Variants in SVEP1 observed in about 807,000 individuals in gnomAD.
SVEP1 encodes sushi, von Willebrand factor type A, EGF and pentraxin domain containing 1, also known as sushi, von Willebrand factor type A, EGF and pentraxin domain-containing protein 1.
In SVEP1, 164 loss-of-function variants were observed where a neutral mutation model predicts 367.3. The observed-to-expected ratio is 0.45, with a 90% CI of 0.39 to 0.51. The LOEUF is 0.51. Ranked by LOEUF, SVEP1 falls within the 20% of genes least tolerant of loss-of-function variation. The pLI, the probability that SVEP1 is intolerant of heterozygous loss-of-function variation, is 0.00. For synonymous variants in SVEP1, 1,666 were observed against 1,611.6 expected (o/e 1.03, Z -0.81); for missense variants, 4,117 against 4,425.3 (o/e 0.93, Z 1.98).
intron 3 of SVEP1, among the ~76,000 whole-genome samples, chr9:110,521,300 T>A (rs1588091099): frequency 1.3e-5 from 2 of 152,188 alleles, no homozygotes; most frequent in East Asian, 3.9e-4. Flanking sequence ...CAGCCTGTCG[T>A]TCTCCCTGTG....
chr9:110,477,530 C>T (rs1829113207), intron 13 of SVEP1, among the ~76,000 whole-genome samples: 1 of 152,104 alleles, frequency 6.6e-6, no homozygotes, highest in African/African-American at 2.4e-5. Context: ...TTTACACCAC[C>T]TCTCTCTTCT....
intron 8 of SVEP1, among the ~76,000 whole-genome samples, chr9:110,493,011 T>C (rs1016500605): frequency 3.3e-5 from 5 of 152,082 alleles, no homozygotes; most frequent in Admixed American, 3.3e-4. Flanking sequence ...TGAAAATGTG[T>C]CAGCCTGCAC....
At position 110,514,087 on chromosome 9, in the gene SVEP1, G is replaced by C; in HGVS notation, c.984C>G (p.Tyr328Ter). The stretch of plus-strand genomic sequence containing the variant: ...TTCCTCCTGGTGAGCCTTCAGGTTT[G>C]TATGTCCCCGATGGGCAAGCTGTGG... ...YECTACPSGT[Y>*]KPEGSPGGIS... Residue 328 changes from tyrosine (Y) to a stop codon, truncating the protein, a stop_gained, in exon 4 of 48, where the codon TAC (tyrosine) becomes TAG (stop). Coordinates refer to ENST00000374469, the MANE Select transcript of SVEP1 (RefSeq NM_153366.4). LOFTEE classifies it high-confidence loss of function. 1 of 1,610,198 alleles carries C rather than the reference G, an allele frequency of 6.2e-7. No individual in the cohort carries two copies. The highest frequency in any genetic ancestry group is 8.5e-7 in the Non-Finnish European group (1 of 1,178,126).
intron 36 of SVEP1, among the ~76,000 whole-genome samples, chr9:110,414,967 T>C (rs1432131873): frequency 2.0e-5 from 3 of 152,050 alleles, no homozygotes; most frequent in African/African-American, 7.3e-5. Flanking sequence ...GCAATAACCC[T>C]TTCTTCCCTC....
rs769070770 is a variant in SVEP1 at position 110,468,973 on chromosome 9, A to G, written c.3127T>C (p.Tyr1043His). Residue 1043 changes from tyrosine to histidine, a missense_variant, in exon 17 of 48, where the codon TAT becomes CAT. Tyr to His is a moderately conservative substitution (Grantham distance 83). Coordinates refer to ENST00000374469, the MANE Select transcript of SVEP1 (RefSeq NM_153366.4). ...TCAGAGATGTTTCTTGAATGGATAT[A>G]TTCCGTGTACATCCCAGAGGGGCAA... Reference protein sequence around the residue: ...KLCPSGMYTEYIHSRNISDCK... With the variant: ...KLCPSGMYTEHIHSRNISDCK... 3 of 1,613,100 alleles carry G rather than the reference A, an allele frequency of 1.9e-6. No homozygotes were observed. The highest frequency in any genetic ancestry group is 2.5e-6 in the Non-Finnish European group (3 of 1,179,408).
intron 8 of SVEP1, among the ~76,000 whole-genome samples, chr9:110,492,434 T>C (rs1476510913): frequency 6.6e-6 from 1 of 151,740 alleles, no homozygotes; most frequent in Non-Finnish European, 1.5e-5. Context: ...CGAAATGCAA[T>C]AGATACTCTT....
At chr9:110,487,052 G>C (rs995848307) in intron 9 of SVEP1, among the ~76,000 whole-genome samples, 1 of 152,056 alleles carries the variant, frequency 6.6e-6, no homozygotes, top group African/African-American at 2.4e-5. Context: ...TGCCTCCCAG[G>C]TTTAAGCAAT....
intron 38 of SVEP1, among the ~76,000 whole-genome samples, chr9:110,405,116 G>A (rs1175004125): frequency 6.6e-6 from 1 of 152,216 alleles, no homozygotes; most frequent in African/African-American, 2.4e-5. Context: ...TACTTTAAGT[G>A]TTTTTGATGT....
intron 1 of SVEP1, among the ~76,000 whole-genome samples, chr9:110,557,289 T>C (rs1268775893): frequency 6.6e-6 from 1 of 152,234 alleles, no homozygotes; most frequent in Non-Finnish European, 1.5e-5. Flanking sequence ...CTAATTGAGA[T>C]TGAATCCCGG....
intron 8 of SVEP1, among the ~76,000 whole-genome samples, chr9:110,493,218 G>A (rs1052275034): frequency 1.3e-5 from 2 of 152,064 alleles, no homozygotes; most frequent in African/African-American, 2.4e-5. Flanking sequence ...GGTTGGGGAG[G>A]GGGTGGTGCT....
intron 45 of SVEP1, chr9:110,376,780 TATTAA>T (rs1456830689): frequency 6.6e-6 from 1 of 152,310 alleles, no homozygotes; most frequent in Non-Finnish European, 1.5e-5. Flanking sequence ...CAAAATTCTA[TATTAA>T]TTTACCAAGT....
Position 110,385,895 on chromosome 9 carries a change from T to G in SVEP1, c.10237+3A>C. 1 of 1,611,558 alleles carries G rather than the reference T, an allele frequency of 6.2e-7. No homozygotes were observed. The highest frequency in any genetic ancestry group is 8.5e-7 in the Non-Finnish European group (1 of 1,178,878). Reference sequence around the variant, plus strand: ...ATGAACTGGCTTCCGCCTGCTGACTTACTTTCACATTTGGCGCTTGTCTGT... The same window carrying G: ...ATGAACTGGCTTCCGCCTGCTGACTGACTTTCACATTTGGCGCTTGTCTGT... On this transcript the variant is annotated splice_donor_region_variant and intron_variant, in intron 43 of 47. Coordinates refer to ENST00000374469, the MANE Select transcript of SVEP1 (RefSeq NM_153366.4).
intron 7 of SVEP1, among the ~76,000 whole-genome samples, chr9:110,498,463 T>A (rs1360518732): frequency 1.3e-5 from 2 of 152,228 alleles, no homozygotes; most frequent in African/African-American, 4.8e-5. Context: ...CTTTCTTTGT[T>A]TACTCATTCA....
chr9:110,573,409 G>A (rs1480978118), intron 1 of SVEP1, among the ~76,000 whole-genome samples: 3 of 152,152 alleles, frequency 2.0e-5, no homozygotes, highest in Non-Finnish European at 2.9e-5. Flanking sequence ...TACTAGTGTG[G>A]ACACATCATG....
rs1427488254 is a variant in SVEP1 at position 110,406,488 on chromosome 9, G to A, written c.9112C>T (p.Leu3038Phe). 1 of 1,613,754 alleles carries A rather than the reference G, an allele frequency of 6.2e-7. No individual in the cohort carries two copies. The highest frequency in any genetic ancestry group is 1.7e-5 in the Admixed American group (1 of 60,010). Residue 3038 changes from leucine to phenylalanine, a missense_variant, in exon 38 of 48, where the codon CTC (leucine) becomes TTC (phenylalanine). Physicochemically the swap from Leu to Phe is conservative, Grantham distance 22. Transcript: ENST00000374469. ...ARIQCFKGFKLLGLSEITCEA... is the reference protein window; with the variant it reads ...ARIQCFKGFKFLGLSEITCEA... ...CAGGTGATTTCAGAAAGTCCTAGGA[G>A]CTTGAAGCCTTTGAAGCACTGAATC... is the stretch of plus-strand genomic sequence containing the variant.
Position 110,430,469 on chromosome 9 carries a change from G to A in SVEP1, c.5354-19C>T. On this transcript the variant is annotated intron_variant, in intron 32 of 47. Coordinates refer to ENST00000374469, the MANE Select transcript of SVEP1 (RefSeq NM_153366.4). ...ATAGGTTCTAGAAACAGACAGTTTTGGTGGAATAATAAGTGGCTTTCACAC... is the reference window on the plus strand; with the variant it reads ...ATAGGTTCTAGAAACAGACAGTTTTAGTGGAATAATAAGTGGCTTTCACAC... 1 of 1,592,556 alleles carries A rather than the reference G, an allele frequency of 6.3e-7. No homozygotes were observed. Among genetic ancestry groups the A allele is most frequent in the Non-Finnish European group, 8.6e-7 (1 of 1,167,918 alleles).
chr9:110,366,564 GAAAAA>G lies in SVEP1; in HGVS notation c.10695-9_10695-5del. ...TTAAAACCCAGTCCTCCTTTTCCTGGAAAAAAAAAAAAAAGCAACCAAATAGATTC... is the reference window on the plus strand; with the variant it reads ...TTAAAACCCAGTCCTCCTTTTCCTGGAAAAAAAAAGCAACCAAATAGATTC... On this transcript the variant is annotated splice_region_variant and splice_polypyrimidine_tract_variant and intron_variant, in intron 47 of 47. Coordinates refer to ENST00000374469, the MANE Select transcript of SVEP1 (RefSeq NM_153366.4). The G allele has an allele frequency of 2.1e-6, 3 of 1,413,462 alleles. No homozygotes were observed. Among genetic ancestry groups the G allele is most frequent in the Non-Finnish European group, 9.4e-7 (1 of 1,063,902 alleles). 87.6% of individuals were successfully genotyped at this position (1,413,462 alleles called of 1,614,324 possible). A position where few individuals can be genotyped will look rare whatever the true frequency, so the allele number is the denominator to read the frequency against.
At position 110,451,357 on chromosome 9, in the gene SVEP1, C is replaced by A. The variant is rs1828690489; in HGVS notation, c.3833G>T (p.Cys1278Phe). Residue 1278 changes from cysteine (C) to phenylalanine (F), a missense_variant, in exon 23 of 48, where the codon TGT becomes TTT. Physicochemically the swap from Cys to Phe is radical, Grantham distance 205. Coordinates refer to ENST00000374469, the MANE Select transcript of SVEP1 (RefSeq NM_153366.4). ...ENINECSSSPCLNKGICVDGV... is the reference protein window; with the variant it reads ...ENINECSSSPFLNKGICVDGV... ...ATCAACACAGATTCCTTTATTTAAACAAGGACTGGAGCTACACTCATTTAT... is the reference window on the plus strand; with the variant it reads ...ATCAACACAGATTCCTTTATTTAAAAAAGGACTGGAGCTACACTCATTTAT... 1 of 1,613,770 alleles carries A rather than the reference C, an allele frequency of 6.2e-7. No homozygotes were observed. The highest frequency in any genetic ancestry group is 8.5e-7 in the Non-Finnish European group (1 of 1,179,768).
intron 21 of SVEP1, 113 bp from the exon 22 acceptor site, chr9:110,455,816 G>T: frequency 2.3e-6 from 1 of 434,108 alleles, no homozygotes; most frequent in Non-Finnish European, 3.5e-6. Context: ...AATGGGTAGT[G>T]GTAAAGGGTA....
Sources: allele counts gnomAD v4.1 joint callset (sites outside exome capture counted in the v4.1 genomes callset), GRCh38; gene constraint gnomAD v4.1.1; transcripts MANE v1.5; gene names NCBI Gene and HGNC (gene_info 2026-07-23, HGNC 2026-07-21).